The following DDAH1 variants were observed in gnomAD, a reference collection of about 807,000 sequenced individuals.
The protein encoded by DDAH1 is N(G),N(G)-dimethylarginine dimethylaminohydrolase 1.
A neutral mutation model predicts 28.8 loss-of-function variants in DDAH1; 19 were observed. That is an observed-to-expected ratio of 0.66 (90% CI 0.46 to 0.97). DDAH1 has a LOEUF of 0.97. DDAH1 is among the 50% of genes least tolerant of loss of function. The probability of loss-of-function intolerance (pLI) is 0.00; values close to 1 mark genes in which losing one functional copy is unlikely to be tolerated. For missense variants in DDAH1, 326 were observed against 375.9 expected (o/e 0.87, Z 1.10); for synonymous variants, 153 against 154.4 (o/e 0.99, Z 0.07).
chr1:85,384,718 A>G lies in DDAH1; in HGVS notation c.304-25871T>C, dbSNP rs114391137. 7.4e-3 allele frequency among the ~76,000 whole-genome samples: 1,133 copies of G among 152,342 alleles called. 8 individuals are homozygous for G. Among genetic ancestry groups the G allele is most frequent in the Middle Eastern group, 0.014 (4 of 294 alleles). ...CTGTGACAACATTATATAATGTCCC[A>G]TAACTCAAATGAAAATTTTTTCTCA... On this transcript the variant is annotated intron_variant, in intron 1 of 5. Coordinates refer to ENST00000284031, the MANE Select transcript of DDAH1 (RefSeq NM_012137.4).
intron 4 of DDAH1, among the ~76,000 whole-genome samples, chr1:85,338,960 T>C (rs541980765): frequency 1.3e-5 from 2 of 151,346 alleles, no homozygotes; most frequent in Non-Finnish European, 2.9e-5. Context: ...AGAAGGAGAA[T>C]TGCTTGAACC....
intron 1 of DDAH1, among the ~76,000 whole-genome samples, chr1:85,436,561 A>T (rs1653953741): frequency 2.0e-5 from 3 of 152,246 alleles, no homozygotes; most frequent in African/African-American, 7.2e-5. Flanking sequence ...AACCTCAGTC[A>T]GAGCTGGCTC....
chr1:85,408,758 C>G (rs1652519710), intron 1 of DDAH1, among the ~76,000 whole-genome samples: 1 of 152,100 alleles, frequency 6.6e-6, no homozygotes. Flanking sequence ...TTACTTCACT[C>G]TTGACAATTA....
At position 85,464,911 on chromosome 1, in the gene DDAH1, C is replaced by A. The variant is rs755190514; in HGVS notation, c.135G>T (p.Arg45=). Residue 45 remains arginine (R), a synonymous_variant, in exon 1 of 6, where the codon CGG becomes CGT. Coordinates refer to ENST00000284031, the MANE Select transcript of DDAH1 (RefSeq NM_012137.4). This position sits in a 1 kb window ranked among gnomAD's most constrained non-coding sequence, Gnocchi z 4.4. Reference sequence around the variant, plus strand: ...GCACGCCCACGTAGAGCTGGTGCTGCCGTTCCGCGCGGGCGACGTCCACCT... The same window carrying A: ...GCACGCCCACGTAGAGCTGGTGCTGACGTTCCGCGCGGGCGACGTCCACCT... ...GEEVDVARAE[R]QHQLYVGVLG... is the part of the protein sequence containing the mutation. The A allele has an allele frequency of 3.8e-6, 6 of 1,560,884 alleles. No homozygotes were observed. The highest frequency in any genetic ancestry group is 4.3e-6 in the Non-Finnish European group (5 of 1,164,410).
chr1:85,383,533 T>C (rs1218626300), intron 1 of DDAH1, among the ~76,000 whole-genome samples: 2 of 152,202 alleles, frequency 1.3e-5, no homozygotes, highest in African/African-American at 4.8e-5. Context: ...AAAAACTTGG[T>C]TGATTGACAG....
At chr1:85,496,921 C>T (rs79165906) in intron 1 of DDAH1, among the ~76,000 whole-genome samples, 4,117 of 152,206 alleles carry the variant, frequency 0.027, 194 homozygotes, top group African/African-American at 0.092. Flanking sequence ...TAATATAACA[C>T]GTACTATCTT....
Position 85,507,527 on chromosome 1 carries a change from T to C in DDAH1, c.-122-11246A>G, listed in dbSNP as rs569415. On this transcript the variant is annotated intron_variant, in intron 1 of 6. Coordinates refer to the DDAH1 transcript ENST00000426972. Reference sequence around the variant, plus strand: ...CACAATAAATAAATAAATAAATAAATAAACAAACAAACAGCATCTCCTAAA... The same window carrying C: ...CACAATAAATAAATAAATAAATAAACAAACAAACAAACAGCATCTCCTAAA... Among the ~76,000 whole-genome samples, 244 of 149,364 alleles carry C rather than the reference T, an allele frequency of 1.6e-3. 1 individual carries two copies. The highest frequency in any genetic ancestry group is 5.3e-3 in the African/African-American group (216 of 40,768).
chr1:85,433,196 A>C (rs2100639167), intron 1 of DDAH1, among the ~76,000 whole-genome samples: 1 of 152,258 alleles, frequency 6.6e-6, no homozygotes, highest in African/African-American at 2.4e-5. Flanking sequence ...ATGGAAAGAA[A>C]GGCTGAGGTG....
At chr1:85,491,969 T>C (rs72724671) in intron 2 of DDAH1, among the ~76,000 whole-genome samples, 15,201 of 152,268 alleles carry the variant, frequency 0.1, 1,009 homozygotes, top group Non-Finnish European at 0.15. Flanking sequence ...CAGCTACTTA[T>C]TTAGTATCTA....
At chr1:85,483,478 T>C (rs377183818) in intron 2 of DDAH1, among the ~76,000 whole-genome samples, 2 of 152,166 alleles carry the variant, frequency 1.3e-5, no homozygotes, top group Admixed American at 1.3e-4. Context: ...TAAGGAAAGG[T>C]ACAGTTAACA....
chr1:85,491,406 C>A (rs1656397901), intron 2 of DDAH1, among the ~76,000 whole-genome samples: 1 of 152,146 alleles, frequency 6.6e-6, no homozygotes, highest in African/African-American at 2.4e-5. Context: ...TTTCAAACTG[C>A]AGACAAAGAC....
rs147087673 is a variant in DDAH1, at chr1:85,474,064, T to G, written c.-7+22102A>C. The stretch of plus-strand genomic sequence containing the variant: ...CTTCCAATCCCTATTCCATTCATAC[T>G]GGTAGTTGCTTAAGCCAGTAATCTG... On this transcript the variant is annotated intron_variant, in intron 2 of 6. Coordinates refer to the DDAH1 transcript ENST00000426972. Among the ~76,000 whole-genome samples, 15 of 152,352 alleles carry G rather than the reference T, an allele frequency of 9.8e-5. No individual in the cohort carries two copies. In the East Asian group the frequency reaches 2.9e-3, roughly 29 times the overall value.
chr1:85,327,271 G>A (rs12042485), intron 4 of DDAH1, among the ~76,000 whole-genome samples: 2,628 of 152,266 alleles, frequency 0.017, 67 homozygotes, highest in East Asian at 0.12. Context: ...GCCACCAGCC[G>A]AGATAGTGCC....
chr1:85,556,143 T>TTCCTCCTTC (rs1302106103), intron 1 of DDAH1, among the ~76,000 whole-genome samples: 2 of 150,726 alleles, frequency 1.3e-5, no homozygotes, highest in Non-Finnish European at 1.5e-5. Flanking sequence ...TCCTTTCCCC[T>TTCCTCCTTC]TCCTCCTTCT....
At chr1:85,370,293 T>C (rs924089043) in intron 1 of DDAH1, among the ~76,000 whole-genome samples, 10 of 152,164 alleles carry the variant, frequency 6.6e-5, no homozygotes, top group Non-Finnish European at 1.3e-4. Flanking sequence ...TACCTTGATA[T>C]CAGACTGCTA....
intron 1 of DDAH1, among the ~76,000 whole-genome samples, chr1:85,516,060 A>G (rs1365807749): frequency 6.6e-6 from 1 of 151,606 alleles, no homozygotes; most frequent in Non-Finnish European, 1.5e-5. Flanking sequence ...CTTTTTTTCT[A>G]AGCGCAACAG....
At chr1:85,409,278 C>G (rs985550119) in intron 1 of DDAH1, among the ~76,000 whole-genome samples, 1 of 152,160 alleles carries the variant, frequency 6.6e-6, no homozygotes. Context: ...CTGGTGTGAA[C>G]TATTGCAGGA....
At position 85,570,364 on chromosome 1, in the gene DDAH1, TCACACA is replaced by T. The variant is rs35259175; in HGVS notation, c.-123+7614_-123+7619del. On this transcript the variant is annotated intron_variant, in intron 1 of 6. Transcript: ENST00000426972. ...CCTCCCTTCTCCAGCACACACACTG[TCACACA>T]CACACACACACACACACACACACAC... Among the ~76,000 whole-genome samples the T allele has an allele frequency of 2.2e-3, 321 of 145,570 alleles. 2 individuals are homozygous for T. The highest frequency in any genetic ancestry group is 7.3e-3 in the African/African-American group (287 of 39,204).
At chr1:85,480,102 T>A (rs908652266) in intron 2 of DDAH1, among the ~76,000 whole-genome samples, 1 of 152,112 alleles carries the variant, frequency 6.6e-6, no homozygotes, top group Admixed American at 6.6e-5. Context: ...CTGTGGATGG[T>A]TCAACACTTC....
Sources: gnomAD v4.1 joint callset for allele counts (sites outside exome capture counted in the v4.1 genomes callset) on GRCh38, gnomAD v4.1.1 for gene constraint, Gnocchi (gnomAD v3.1) non-coding constraint, MANE v1.5 for transcripts, NCBI Gene and HGNC (gene_info 2026-07-23, HGNC 2026-07-21) for gene names.